Variants in EHBP1 observed in about 807,000 individuals in gnomAD.
The protein encoded by EHBP1 is EH domain binding protein 1, also known as EH domain-binding protein 1.
A neutral mutation model predicts 144.0 loss-of-function variants in EHBP1; 55 were observed. The observed-to-expected ratio is 0.38, with a 90% confidence interval of 0.31 to 0.48. The LOEUF is 0.48. EHBP1 is among the 20% of genes least tolerant of loss of function. The probability of loss-of-function intolerance (pLI) is 0.98; values close to 1 mark genes in which losing one functional copy is unlikely to be tolerated. For synonymous variants in EHBP1, 469 were observed against 472.7 expected (o/e 0.99, Z 0.10); for missense variants, 1,200 against 1,364.2 (o/e 0.88, Z 1.90).
chr2:63,038,346 T>C lies in EHBP1; in HGVS notation c.3204-397T>C, dbSNP rs1354941179. Among the ~76,000 whole-genome samples the C allele has an allele frequency of 3.3e-5, 5 of 152,260 alleles. No individual in the cohort carries two copies. In the East Asian group the frequency reaches 9.6e-4, roughly 29 times the overall value. ...GCACAAAACTTTACAAATCCTGAAT[T>C]GTGGTCTCTGTATTAAATTTGCACT... On this transcript the variant is annotated intron_variant, in intron 20 of 22. Coordinates refer to ENST00000431489, the MANE Select transcript of EHBP1 (RefSeq NM_001142616.3).
At chr2:62,938,178 T>A (rs577000918) in intron 10 of EHBP1, among the ~76,000 whole-genome samples, 1 of 152,374 alleles carries the variant, frequency 6.6e-6, no homozygotes, top group South Asian at 2.1e-4. Context: ...ATTATGGTTT[T>A]GAACACATTG....
chr2:62,695,098 A>G (rs1264044247), intron 1 of EHBP1, among the ~76,000 whole-genome samples: 1 of 152,226 alleles, frequency 6.6e-6, no homozygotes, highest in Non-Finnish European at 1.5e-5. Context: ...GCAGTGGCTC[A>G]TGCCTATAAT....
intron 19 of EHBP1, among the ~76,000 whole-genome samples, chr2:63,003,186 A>G (rs930168616): frequency 2.6e-5 from 4 of 152,046 alleles, no homozygotes; most frequent in African/African-American, 9.7e-5. Context: ...TTATGGTGCT[A>G]TATAAGTATT....
chr2:62,687,242 A>T (rs1572865426), intron 1 of EHBP1, among the ~76,000 whole-genome samples: 1 of 152,240 alleles, frequency 6.6e-6, no homozygotes. Flanking sequence ...ATAAGATGAA[A>T]GTAAACTTTT....
intron 5 of EHBP1, among the ~76,000 whole-genome samples, chr2:62,783,150 A>G (rs1475737678): frequency 6.6e-6 from 1 of 152,188 alleles, no homozygotes; most frequent in African/African-American, 2.4e-5. Context: ...GCCATATCTC[A>G]CAGCTAGGTC....
chr2:62,901,661 TA>T (rs5831648), intron 10 of EHBP1, among the ~76,000 whole-genome samples: 17,292 of 143,982 alleles, frequency 0.12, 1,183 homozygotes, highest in East Asian at 0.2. Flanking sequence ...ACACTTAGTT[TA>T]AAAAAAAAAA....
At chr2:62,953,095 T>C (rs556436768) in intron 13 of EHBP1, among the ~76,000 whole-genome samples, 24 of 151,616 alleles carry the variant, frequency 1.6e-4, no homozygotes, top group Non-Finnish European at 3.2e-4. Flanking sequence ...CACATGCCTG[T>C]AATCCCAGCT....
At chr2:62,915,875 A>G (rs749412707) in intron 10 of EHBP1, among the ~76,000 whole-genome samples, 5 of 152,208 alleles carry the variant, frequency 3.3e-5, no homozygotes, top group African/African-American at 4.8e-5. Flanking sequence ...CACCATACAC[A>G]ACACATTTGC....
intron 2 of EHBP1, among the ~76,000 whole-genome samples, chr2:62,730,069 G>T (rs2037360233): frequency 6.6e-6 from 1 of 152,050 alleles, no homozygotes; most frequent in Non-Finnish European, 1.5e-5. Context: ...GTTCTATCTA[G>T]TTTTTGGTCT....
At chr2:62,759,292 A>T (rs1457695121) in intron 3 of EHBP1, among the ~76,000 whole-genome samples, 1 of 152,216 alleles carries the variant, frequency 6.6e-6, no homozygotes, top group Admixed American at 6.5e-5. Flanking sequence ...AAGGAGCCAA[A>T]TGGCTGTATG....
At chr2:62,801,321 CAGTT>C (rs1386073117) in intron 5 of EHBP1, among the ~76,000 whole-genome samples, 1 of 152,206 alleles carries the variant, frequency 6.6e-6, no homozygotes, top group Non-Finnish European at 1.5e-5. Context: ...CATGGCTCCT[CAGTT>C]AGGACTGCTG....
chr2:62,918,737 C>T (rs565027520), intron 10 of EHBP1, among the ~76,000 whole-genome samples: 2 of 152,316 alleles, frequency 1.3e-5, no homozygotes, highest in South Asian at 4.1e-4. Context: ...AATTCCTGGA[C>T]ATGCATATCT....
At chr2:62,808,998 T>G (rs1216672521) in intron 5 of EHBP1, among the ~76,000 whole-genome samples, 2 of 152,068 alleles carry the variant, frequency 1.3e-5, no homozygotes. Flanking sequence ...CAGACCTTGG[T>G]AAGAGCAGAG....
intron 7 of EHBP1, among the ~76,000 whole-genome samples, chr2:62,853,309 G>A (rs898305298): frequency 6.6e-6 from 1 of 152,124 alleles, no homozygotes; most frequent in African/African-American, 2.4e-5. Context: ...TTATGTCACG[G>A]CATCTTCACC....
At chr2:62,880,923 C>T (rs772060936) in intron 10 of EHBP1, among the ~76,000 whole-genome samples, 2 of 151,722 alleles carry the variant, frequency 1.3e-5, no homozygotes, top group African/African-American at 2.4e-5. Context: ...CAAGTATATA[C>T]CCAAACATAC....
intron 4 of EHBP1, among the ~76,000 whole-genome samples, chr2:62,766,715 G>A (rs1464304291): frequency 6.6e-6 from 1 of 152,044 alleles, no homozygotes; most frequent in African/African-American, 2.4e-5. Context: ...ACCCAGCCCA[G>A]ATGTTTTCTC....
At chr2:63,027,035 C>G (rs2061010790) in intron 19 of EHBP1, among the ~76,000 whole-genome samples, 1 of 152,220 alleles carries the variant, frequency 6.6e-6, no homozygotes, top group Non-Finnish European at 1.5e-5. Flanking sequence ...AGAGCCTGTT[C>G]TGGTAAGACT....
At chr2:63,006,545 G>C (rs1299636102) in intron 19 of EHBP1, among the ~76,000 whole-genome samples, 1 of 151,674 alleles carries the variant, frequency 6.6e-6, no homozygotes, top group Non-Finnish European at 1.5e-5. Flanking sequence ...ATGCTATTTT[G>C]GTACCCTGTT....
chr2:62,840,606 T>C (rs1390936018), intron 7 of EHBP1, among the ~76,000 whole-genome samples: 1 of 151,792 alleles, frequency 6.6e-6, no homozygotes, highest in Non-Finnish European at 1.5e-5. Context: ...AAAGGGCTAA[T>C]ATCCAGAATC....
Sources: allele counts gnomAD v4.1 joint callset (sites outside exome capture counted in the v4.1 genomes callset), GRCh38; gene constraint gnomAD v4.1.1; transcripts MANE v1.5; gene names NCBI Gene and HGNC (gene_info 2026-07-23, HGNC 2026-07-21).